TRAPPC9: variants seen among roughly 807,000 people sequenced by gnomAD.
The protein encoded by TRAPPC9 is IKK2 binding protein.
A neutral mutation model predicts 124.0 loss-of-function variants in TRAPPC9; 83 were observed. The ratio of observed to expected loss-of-function variants is 0.67; its 90% confidence interval spans 0.56 to 0.80. TRAPPC9 has a LOEUF of 0.80. Ranked by LOEUF, TRAPPC9 falls within the 30% of genes least tolerant of loss-of-function variation. The probability of loss-of-function intolerance (pLI) is 0.00; values close to 1 mark genes in which losing one functional copy is unlikely to be tolerated. For missense variants in TRAPPC9, 1,302 were observed against 1,508.3 expected, an observed-to-expected ratio of 0.86 and a Z score of 2.27; for synonymous variants, 638 against 617.5, an observed-to-expected ratio of 1.03 and a Z score of -0.49.
intron 17 of TRAPPC9, among the ~76,000 whole-genome samples, chr8:140,165,399 CATG>C (rs2061817484): frequency 9.9e-6 from 1 of 100,968 alleles, no homozygotes; most frequent in South Asian, 5.5e-4. Flanking sequence ...ATTAGCCAGG[CATG>C]GTGGTGCATG....
At chr8:139,890,793 G>A (rs914028982) in intron 20 of TRAPPC9, among the ~76,000 whole-genome samples, 12 of 151,632 alleles carry the variant, frequency 7.9e-5, no homozygotes, top group Admixed American at 2.0e-4. Flanking sequence ...ACATGTATAC[G>A]TATGTAACTA....
At chr8:139,880,455 A>C (rs996952492) in intron 21 of TRAPPC9, among the ~76,000 whole-genome samples, 1 of 152,114 alleles carries the variant, frequency 6.6e-6, no homozygotes, top group Non-Finnish European at 1.5e-5. Context: ...TGACTTGCAA[A>C]GTCTCAAGAA....
chr8:139,740,024 G>A (rs1818450092), intron 21 of TRAPPC9, among the ~76,000 whole-genome samples: 1 of 152,172 alleles, frequency 6.6e-6, no homozygotes. Context: ...GCACCATTTG[G>A]CACATGAGGG....
chr8:140,008,808 T>C (rs899814737), intron 18 of TRAPPC9, among the ~76,000 whole-genome samples: 7 of 152,220 alleles, frequency 4.6e-5, no homozygotes, highest in African/African-American at 1.4e-4. Context: ...AGTCTTAATG[T>C]GGCGTTTAAG....
intron 21 of TRAPPC9, among the ~76,000 whole-genome samples, chr8:139,770,424 T>A (rs1261209138): frequency 6.6e-6 from 1 of 152,240 alleles, no homozygotes; most frequent in African/African-American, 2.4e-5. Context: ...GCTTTAGGGA[T>A]TCACAATGGG....
chr8:139,843,559 T>A (rs1826875596), intron 21 of TRAPPC9, among the ~76,000 whole-genome samples: 2 of 152,200 alleles, frequency 1.3e-5, no homozygotes, highest in African/African-American at 4.8e-5. Flanking sequence ...AGGAAGCTCA[T>A]CCTGAATTAT....
intron 17 of TRAPPC9, among the ~76,000 whole-genome samples, chr8:140,138,637 C>T (rs2061339916): frequency 6.6e-6 from 1 of 152,110 alleles, no homozygotes; most frequent in Admixed American, 6.6e-5. Context: ...TTGATGCTTC[C>T]CTGTATGGGG....
Position 139,775,976 on chromosome 8 carries a change from C to T in TRAPPC9, c.3056-43774G>A, listed in dbSNP as rs115261751. On this transcript the variant is annotated intron_variant, in intron 21 of 22. Transcript: ENST00000438773. Reference sequence around the variant, plus strand: ...GAGTGTCTCTGGGCCATGCATCTGACAAGCAAGGCAGCCCCTGGGCCAGCC... The same window carrying T: ...GAGTGTCTCTGGGCCATGCATCTGATAAGCAAGGCAGCCCCTGGGCCAGCC... 7.4e-3 allele frequency among the ~76,000 whole-genome samples: 1,124 copies of T among 152,350 alleles called. 15 individuals are homozygous for T. Among genetic ancestry groups the T allele is most frequent in the African/African-American group, 0.024 (1,001 of 41,578 alleles).
intron 21 of TRAPPC9, among the ~76,000 whole-genome samples, chr8:139,768,223 A>G (rs559392137): frequency 6.6e-6 from 1 of 152,392 alleles, no homozygotes; most frequent in Non-Finnish European, 1.5e-5. Flanking sequence ...ATAGTTTTAC[A>G]TATTAAGTAA....
At chr8:139,960,445 C>T (rs1465807531) in intron 19 of TRAPPC9, among the ~76,000 whole-genome samples, 1 of 152,204 alleles carries the variant, frequency 6.6e-6, no homozygotes. Context: ...TGTACCTGGT[C>T]TGAACTGGCC....
intron 9 of TRAPPC9, among the ~76,000 whole-genome samples, chr8:140,318,723 T>C (rs769194885): frequency 1.2e-4 from 19 of 152,226 alleles, no homozygotes; most frequent in Non-Finnish European, 2.4e-4. Context: ...TTTTTACAGG[T>C]GTATAGTATT....
At chr8:140,308,155 AAC>A (rs2030392556) in intron 10 of TRAPPC9, among the ~76,000 whole-genome samples, 1 of 152,036 alleles carries the variant, frequency 6.6e-6, no homozygotes, top group South Asian at 2.1e-4. Flanking sequence ...GAAGGAACAA[AAC>A]CGGCCACACA....
At chr8:140,451,875 C>T (rs1054462501) in intron 1 of TRAPPC9, among the ~76,000 whole-genome samples, 5 of 152,176 alleles carry the variant, frequency 3.3e-5, no homozygotes, top group Non-Finnish European at 7.3e-5. Context: ...AATCCTAACA[C>T]TTTGGAAGGC....
At chr8:140,458,272 G>A (rs1256156537), upstream of TRAPPC9, 3 of 1,552,626 alleles carry the variant, frequency 1.9e-6, no homozygotes, top group African/African-American at 1.4e-5. Context: ...TTCTGTCCCC[G>A]CCGCTTACCA....
intron 9 of TRAPPC9, among the ~76,000 whole-genome samples, chr8:140,320,616 A>G (rs560788249): frequency 2.6e-4 from 39 of 152,342 alleles, no homozygotes; most frequent in African/African-American, 8.4e-4. Flanking sequence ...CAGCAATCAG[A>G]TAAGTCACTC....
At chr8:140,399,059 G>C (rs2069176342) in intron 6 of TRAPPC9, among the ~76,000 whole-genome samples, 1 of 152,220 alleles carries the variant, frequency 6.6e-6, no homozygotes, top group Non-Finnish European at 1.5e-5. Flanking sequence ...CCCAAGCCTT[G>C]GCAGCTTCCA....
Position 140,353,367 on chromosome 8 carries a change from C to T in TRAPPC9, c.1495+6683G>A, listed in dbSNP as rs7007771. 2.3e-4 allele frequency among the ~76,000 whole-genome samples: 35 copies of T among 151,338 alleles called. No individual in the cohort carries two copies. Among genetic ancestry groups the T allele is most frequent in the Non-Finnish European group, 1.8e-4 (12 of 67,880 alleles). On this transcript the variant is annotated intron_variant, in intron 9 of 22. Coordinates refer to ENST00000438773, the MANE Select transcript of TRAPPC9 (RefSeq NM_001160372.4). This position sits in a 1 kb window ranked among gnomAD's most constrained non-coding sequence, Gnocchi z 4.2. ...CTTTTCACAGTAGCATTAATATGAC[C>T]TATTTATAGTATGCATTTTTTCCCC...
chr8:140,033,870 C>T (rs929183242), intron 17 of TRAPPC9, among the ~76,000 whole-genome samples: 1 of 151,672 alleles, frequency 6.6e-6, no homozygotes, highest in African/African-American at 2.4e-5. Context: ...CTAGTAGAGA[C>T]AGGGTTTCAC....
intron 19 of TRAPPC9, among the ~76,000 whole-genome samples, chr8:139,921,461 T>C (rs1017950780): frequency 3.3e-5 from 5 of 152,184 alleles, no homozygotes; most frequent in Admixed American, 1.3e-4. Flanking sequence ...GCTTCATTTG[T>C]GTAAGCTGTG....
Sources: allele counts gnomAD v4.1 joint callset (sites outside exome capture counted in the v4.1 genomes callset), GRCh38; gene constraint gnomAD v4.1.1; non-coding constraint Gnocchi (gnomAD v3.1); transcripts MANE v1.5; gene names NCBI Gene and HGNC (gene_info 2026-07-23, HGNC 2026-07-21).